The following ZNF492 variants were observed in gnomAD, a reference collection of about 807,000 sequenced individuals.
ZNF492 encodes the protein zinc finger protein 115 (Y20).
In ZNF492, 3 loss-of-function variants were observed where a neutral mutation model predicts 6.4. That is an observed-to-expected ratio of 0.47 (90% CI 0.21 to 1.22). The LOEUF is 1.22. ZNF492 is among the 50% of genes most tolerant of loss of function. The pLI is 0.22. For missense variants in ZNF492, 356 were observed against 612.5 expected (o/e 0.58, Z 4.42); for synonymous variants, 112 against 205.3 (o/e 0.55, Z 3.89).
intron 3 of ZNF492, among the ~76,000 whole-genome samples, chr19:22,655,681 T>TC (rs2145256455): frequency 7.0e-6 from 1 of 143,160 alleles, no homozygotes; most frequent in East Asian, 2.0e-4. Context: ...CTTAATTTTT[T>TC]TTTTTTTTTT....
intron 3 of ZNF492, among the ~76,000 whole-genome samples, chr19:22,655,675 ATTT>A (rs201831166): frequency 3.2e-4 from 35 of 109,424 alleles, no homozygotes; most frequent in African/African-American, 1.4e-3. Context: ...CAGTGACTTA[ATTT>A]TTTTTTTTTT....
At position 22,667,299 on chromosome 19, in the gene ZNF492, TGTA is replaced by T. The variant is rs1323567052; in HGVS notation, c.*2038_*2040del. The T allele has an allele frequency of 1.3e-5, 2 of 152,198 alleles. No individual in the cohort carries two copies. The highest frequency in any genetic ancestry group is 2.9e-5 in the Non-Finnish European group (2 of 68,026). The allele number at this position is 152,198 out of a possible 1,614,324, so 9.4% of individuals were successfully genotyped here. On this transcript the variant is annotated 3_prime_UTR_variant, in exon 4 of 4. Transcript: ENST00000456783. ...TTTGGTAAAAGAATGCACTAACATC[TGTA>T]GTACTAATCTTTTTTCCAGTGGCTT...
intron 1 of ZNF492, among the ~76,000 whole-genome samples, chr19:22,643,480 C>T (rs1443444749): frequency 6.6e-6 from 1 of 152,154 alleles, no homozygotes; most frequent in Non-Finnish European, 1.5e-5. Context: ...CTTTCTCTAA[C>T]TAATGCTAAT....
chr19:22,662,815 T>C (rs1331359310), intron 3 of ZNF492, among the ~76,000 whole-genome samples: 3 of 151,838 alleles, frequency 2.0e-5, no homozygotes, highest in African/African-American at 7.3e-5. Flanking sequence ...TTTAAGTTCT[T>C]TGTAGATTCT....
chr19:22,645,574 T>C (rs1212155728), intron 1 of ZNF492, among the ~76,000 whole-genome samples: 2 of 152,242 alleles, frequency 1.3e-5, no homozygotes, highest in Non-Finnish European at 2.9e-5. Context: ...CTTTTGGCAT[T>C]TTTGTCATGA....
intron 1 of ZNF492, among the ~76,000 whole-genome samples, chr19:22,642,020 C>T (rs1971830312): frequency 6.6e-6 from 1 of 152,110 alleles, no homozygotes; most frequent in Non-Finnish European, 1.5e-5. Context: ...GTCTCGATCT[C>T]CTGACCTCGT....
intron 1 of ZNF492, among the ~76,000 whole-genome samples, chr19:22,642,582 G>C (rs1971839746): frequency 6.6e-6 from 1 of 150,982 alleles, no homozygotes; most frequent in South Asian, 2.1e-4. Flanking sequence ...GTAGAGACGG[G>C]GTTTCACCAT....
chr19:22,639,511 GA>G (rs1018911549), intron 1 of ZNF492, among the ~76,000 whole-genome samples: 2 of 151,856 alleles, frequency 1.3e-5, no homozygotes, highest in African/African-American at 4.8e-5. Flanking sequence ...GGAAGTTCAA[GA>G]CCAGCCTGAC....
chr19:22,636,300 T>C (rs1419272684), intron 1 of ZNF492, among the ~76,000 whole-genome samples: 1 of 152,044 alleles, frequency 6.6e-6, no homozygotes, highest in African/African-American at 2.4e-5. Flanking sequence ...GGTTTCTCCA[T>C]GTTGGTCAGG....
chr19:22,665,041 T>C lies in ZNF492; in HGVS notation c.1372T>C (p.Phe458Leu). ...PYKYEECGKA[F>L]NQSSHLTTHK... ...CAAATATGAAGAATGTGGCAAAGCT[T>C]TTAACCAGTCCTCACACCTTACTAC... Residue 458 changes from phenylalanine to leucine, a missense_variant, in exon 4 of 4, where the codon TTT becomes CTT. This residue lies in a region of ZNF492 where 81 missense variants were observed against 115.4 expected (regional missense o/e 0.70). Coordinates refer to ENST00000456783, the MANE Select transcript of ZNF492 (RefSeq NM_020855.3). 3 of 1,592,276 alleles carry C rather than the reference T, an allele frequency of 1.9e-6. 1 individual carries two copies. Among genetic ancestry groups the C allele is most frequent in the Non-Finnish European group, 2.6e-6 (3 of 1,171,026 alleles).
At chr19:22,641,703 G>A (rs1971826686) in intron 1 of ZNF492, among the ~76,000 whole-genome samples, 1 of 152,122 alleles carries the variant, frequency 6.6e-6, no homozygotes, top group African/African-American at 2.4e-5. Context: ...GGGTGTTGTA[G>A]TCTCCCACTA....
rs1172099044 is a variant in ZNF492 at position 22,665,562 on chromosome 19, T to A, written c.*297T>A. 1.1e-5 allele frequency: 4 copies of A among 356,076 alleles called. No individual in the cohort carries two copies. The Admixed American group carries it at 1.8e-4, about 16-fold the overall frequency. 22.1% of individuals were successfully genotyped at this position (356,076 alleles called of 1,614,324 possible). A position where few individuals can be genotyped will look rare whatever the true frequency, so the allele number is the denominator to read the frequency against. ...TTCAAAAAATAAGCATTTAAAGTGCTGAAGAGGATTTATTTTGAAGACAAA... is the reference window on the plus strand; with the variant it reads ...TTCAAAAAATAAGCATTTAAAGTGCAGAAGAGGATTTATTTTGAAGACAAA... On this transcript the variant is annotated 3_prime_UTR_variant, in exon 4 of 4. Transcript: ENST00000456783.
chr19:22,639,539 C>T (rs7246932), intron 1 of ZNF492, among the ~76,000 whole-genome samples: 3 of 151,318 alleles, frequency 2.0e-5, no homozygotes, highest in Admixed American at 6.6e-5. Flanking sequence ...GGAGAAACCC[C>T]GTCTCTACTA....
intron 1 of ZNF492, among the ~76,000 whole-genome samples, chr19:22,637,267 G>C (rs555240384): frequency 4.6e-5 from 7 of 152,022 alleles, no homozygotes; most frequent in African/African-American, 7.2e-5. Context: ...GTGAGCCATT[G>C]CACCCGGCCT....
chr19:22,643,318 G>C (rs1431388279), intron 1 of ZNF492, among the ~76,000 whole-genome samples: 2 of 152,022 alleles, frequency 1.3e-5, no homozygotes, highest in Non-Finnish European at 2.9e-5. Flanking sequence ...AGACTCAGTC[G>C]GATATTGCTG....
Position 22,665,384 on chromosome 19 carries a change from A to G in ZNF492, c.*119A>G. 3 of 1,475,388 alleles carry G rather than the reference A, an allele frequency of 2.0e-6. No homozygotes were observed. Among genetic ancestry groups the G allele is most frequent in the Non-Finnish European group, 2.7e-6 (3 of 1,114,132 alleles). 91.4% of individuals were successfully genotyped at this position (1,475,388 alleles called of 1,614,324 possible). ...TGAACAGTGTGGCAAAACTTACACA[A>G]TGCTCAAACCTTATTGCACAGGAAA... On this transcript the variant is annotated 3_prime_UTR_variant, in exon 4 of 4. Coordinates refer to ENST00000456783, the MANE Select transcript of ZNF492 (RefSeq NM_020855.3).
intron 3 of ZNF492, among the ~76,000 whole-genome samples, chr19:22,659,591 CAGAGAGAGAG>C (rs71180579): frequency 6.9e-6 from 1 of 144,626 alleles, no homozygotes; most frequent in Non-Finnish European, 1.5e-5. Context: ...CACACACACA[CAGAGAGAGAG>C]AGAGACGTGT....
chr19:22,650,610 C>T (rs904481987), intron 1 of ZNF492, among the ~76,000 whole-genome samples: 1 of 152,066 alleles, frequency 6.6e-6, no homozygotes, highest in Non-Finnish European at 1.5e-5. Flanking sequence ...CCCTGAGCCC[C>T]TGGCTGGAGT....
chr19:22,651,687 A>G (rs1377440909), intron 1 of ZNF492, among the ~76,000 whole-genome samples: 3 of 152,168 alleles, frequency 2.0e-5, no homozygotes, highest in East Asian at 3.9e-4. Flanking sequence ...GGGAAGGTGT[A>G]GATACTCAAG....
Sources: allele counts gnomAD v4.1 joint callset (sites outside exome capture counted in the v4.1 genomes callset), GRCh38; gene constraint gnomAD v4.1.1; regional missense constraint gnomAD v4.1.1; transcripts MANE v1.5; gene names NCBI Gene and HGNC (gene_info 2026-07-23, HGNC 2026-07-21).